Variants in KCTD9 observed in about 807,000 individuals in gnomAD.
KCTD9 encodes the protein potassium channel tetramerization domain containing 9.
Under a neutral mutation model 53.3 loss-of-function variants are expected in KCTD9, and 17 were observed. The observed-to-expected ratio is 0.32, with a 90% CI of 0.22 to 0.48. The LOEUF is 0.48. KCTD9 is among the 20% of genes least tolerant of loss of function. KCTD9 has a pLI of 0.99. For missense variants in KCTD9, 179 were observed against 465.5 expected, an observed-to-expected ratio of 0.38 and a Z score of 5.66; for synonymous variants, 128 against 162.7, an observed-to-expected ratio of 0.79 and a Z score of 1.62.
In KCTD9 at chr8:25,433,310, A is replaced by G. The variant is rs1003873256; in HGVS notation, c.919+20T>C. 1 of 1,367,596 alleles carries G rather than the reference A, an allele frequency of 7.3e-7. No individual in the cohort carries two copies. Among genetic ancestry groups the G allele is most frequent in the Non-Finnish European group, 1.0e-6 (1 of 965,866 alleles). The allele number at this position is 1,367,596 out of a possible 1,614,324, so 84.7% of individuals were successfully genotyped here. ...AGTCTGCTTCCTTCGTAGAATAGGTATTTACAGAAAGGATCTCACCTTCTA... is the reference window on the plus strand; with the variant it reads ...AGTCTGCTTCCTTCGTAGAATAGGTGTTTACAGAAAGGATCTCACCTTCTA... On this transcript the variant is annotated intron_variant, in intron 10 of 11. Coordinates refer to ENST00000221200, the MANE Select transcript of KCTD9 (RefSeq NM_017634.4).
intron 1 of KCTD9, chr8:25,450,291 T>A (rs1586437244): frequency 1.0e-6 from 1 of 977,952 alleles, no homozygotes; most frequent in East Asian, 1.1e-4. Flanking sequence ...TGACCAATTA[T>A]CCCTTGGTAA....
chr8:25,457,592 A>G (rs118189496), intron 1 of KCTD9: 2,428 of 154,686 alleles, frequency 0.016, 26 homozygotes, highest in Middle Eastern at 0.03. Context: ...AAAAGAGTAC[A>G]GAGAAGTTTG....
intron 11 of KCTD9, among the ~76,000 whole-genome samples, 193 bp downstream of exon 11, chr8:25,432,311 A>T (rs555442452): frequency 1.3e-5 from 2 of 152,240 alleles, no homozygotes; most frequent in Admixed American, 1.3e-4. Flanking sequence ...TAGATAACAC[A>T]TCTATCAAAC....
rs1802076063 is a variant in KCTD9 at position 25,439,379 on chromosome 8, T to G, written c.399A>C (p.Arg133Ser). The change falls in exon 6 of 12, where the codon AGA (arginine) becomes AGC (serine). Residue 133 changes from arginine (R) to serine (S), a missense_variant. This residue lies in a region of KCTD9 where 115 missense variants were observed against 250.9 expected (regional missense o/e 0.46). Coordinates refer to ENST00000221200, the MANE Select transcript of KCTD9 (RefSeq NM_017634.4). ...GACTTCGGTCAATTAAGAAAGCTCC[T>G]CTATGATCTTGCTTATTTCCCCAGA... ...KGVWGNKQDH[R>S]GAFLIDRSPE... The G allele has an allele frequency of 6.2e-7, 1 of 1,612,744 alleles. No homozygotes were observed. Among genetic ancestry groups the G allele is most frequent in the Admixed American group, 1.7e-5 (1 of 59,790 alleles).
At chr8:25,430,099 C>G (rs562921806) in intron 11 of KCTD9, 126 bp from the exon 12 acceptor site, 1 of 663,164 alleles carries the variant, frequency 1.5e-6, no homozygotes, top group Non-Finnish European at 2.8e-6. Flanking sequence ...AGTTAATTTC[C>G]GGAAAACTGA....
chr8:25,438,777 A>G (rs1031191295), intron 6 of KCTD9, among the ~76,000 whole-genome samples: 1 of 152,240 alleles, frequency 6.6e-6, no homozygotes, highest in Non-Finnish European at 1.5e-5. Flanking sequence ...CATTTTTCCA[A>G]TATGACTCAG....
intron 1 of KCTD9, among the ~76,000 whole-genome samples, chr8:25,446,789 C>T (rs188769557): frequency 5.9e-5 from 9 of 152,244 alleles, no homozygotes; most frequent in Middle Eastern, 3.4e-3. Flanking sequence ...ATATCATTAA[C>T]GACATCAACT....
At position 25,446,392 on chromosome 8, in the gene KCTD9, T is replaced by A. The variant is rs545022997; in HGVS notation, c.49-142A>T. 1.2e-3 allele frequency: 1,126 copies of A among 901,078 alleles called. 1 individual carries two copies. Among genetic ancestry groups the A allele is most frequent in the Non-Finnish European group, 1.7e-3 (1,054 of 609,092 alleles). 55.8% of individuals were successfully genotyped at this position (901,078 alleles called of 1,614,324 possible). The stretch of plus-strand genomic sequence containing the variant: ...AAAGGTTCTTAACAGTGCCCCCTTT[T>A]CTTCCATGACTCATTTATTCACTTG... On this transcript the variant is annotated intron_variant, in intron 1 of 11. Coordinates refer to ENST00000221200, the MANE Select transcript of KCTD9 (RefSeq NM_017634.4).
chr8:25,444,246 T>TA (rs779911273), intron 3 of KCTD9, 46 bp downstream of exon 3: 1 of 1,301,952 alleles, frequency 7.7e-7, no homozygotes, highest in Non-Finnish European at 1.0e-6. Flanking sequence ...ATTCCATCTT[T>TA]TTTTTTTTTT....
chr8:25,435,677 G>A (rs1369511243), intron 8 of KCTD9, among the ~76,000 whole-genome samples, 165 bp from the exon 9 acceptor site: 29 of 152,106 alleles, frequency 1.9e-4, no homozygotes, highest in Admixed American at 1.9e-3. Context: ...CATAAAAGAA[G>A]TGTCCTTAAA....
intron 9 of KCTD9, among the ~76,000 whole-genome samples, chr8:25,434,253 C>T: frequency 6.6e-6 from 1 of 152,276 alleles, no homozygotes; most frequent in Non-Finnish European, 1.5e-5. Flanking sequence ...GCATGCACCA[C>T]CACGCCTGGC....
At chr8:25,449,832 T>C (rs769280921) in intron 1 of KCTD9, among the ~76,000 whole-genome samples, 4 of 148,170 alleles carry the variant, frequency 2.7e-5, no homozygotes, top group East Asian at 2.0e-4. Flanking sequence ...AAAAAAAAAA[T>C]GAAGAAAAAA....
At chr8:25,440,448 G>A (rs1802101253) in intron 4 of KCTD9, 129 bp downstream of exon 4, 1 of 643,298 alleles carries the variant, frequency 1.6e-6, no homozygotes, top group African/African-American at 1.8e-5. Flanking sequence ...TATAAAAAAT[G>A]GTTTCAGATC....
At chr8:25,433,530 G>C in intron 9 of KCTD9, 95 bp from the exon 10 acceptor site, 5 of 518,128 alleles carry the variant, frequency 9.7e-6, no homozygotes, top group Non-Finnish European at 1.7e-5. Flanking sequence ...AAGAGGGAAA[G>C]GCTCAACTCA....
chr8:25,444,141 T>C (rs9314303), intron 3 of KCTD9, 151 bp downstream of exon 3: 690,609 of 694,006 alleles, frequency 1, 343,715 homozygotes, highest in Middle Eastern at 1. Flanking sequence ...TACTTTAACA[T>C]ACCCAATGCA....
chr8:25,453,654 A>C (rs1203117710), intron 1 of KCTD9, among the ~76,000 whole-genome samples: 1 of 141,684 alleles, frequency 7.1e-6, no homozygotes, highest in Admixed American at 7.1e-5. Flanking sequence ...ACTCCGACTC[A>C]AAAAAAAAAA....
chr8:25,455,763 AC>A (rs1270298858), intron 1 of KCTD9, among the ~76,000 whole-genome samples: 1 of 152,186 alleles, frequency 6.6e-6, no homozygotes, highest in South Asian at 2.1e-4. Flanking sequence ...GACACTATTA[AC>A]CTTTTCACAT....
chr8:25,430,336 G>A (rs1287069181), intron 11 of KCTD9, among the ~76,000 whole-genome samples: 2 of 152,200 alleles, frequency 1.3e-5, no homozygotes, highest in African/African-American at 4.8e-5. Context: ...GAGGTCACCA[G>A]TAGATGAAGC....
chr8:25,444,449 A>G, intron 2 of KCTD9, 114 bp from the exon 3 acceptor site: 2 of 931,510 alleles, frequency 2.1e-6, no homozygotes, highest in Non-Finnish European at 3.2e-6. Flanking sequence ...TTTGCTATCA[A>G]TCTAGACTGC....
Sources: gnomAD v4.1 joint callset for allele counts (sites outside exome capture counted in the v4.1 genomes callset) on GRCh38, gnomAD v4.1.1 for gene constraint, gnomAD v4.1.1 regional missense constraint, MANE v1.5 for transcripts, NCBI Gene and HGNC (gene_info 2026-07-23, HGNC 2026-07-21) for gene names.